Variants in CNIH4 observed in about 807,000 individuals in gnomAD.
The protein encoded by CNIH4 is protein cornichon homolog 4.
Under a neutral mutation model 21.5 loss-of-function variants are expected in CNIH4, and 9 were observed. The observed-to-expected ratio is 0.42, with a 90% CI of 0.25 to 0.73. CNIH4 has a LOEUF of 0.73. Ranked by LOEUF, CNIH4 falls within the 30% of genes least tolerant of loss-of-function variation. The probability of loss-of-function intolerance (pLI) is 0.27; values close to 1 mark genes in which losing one functional copy is unlikely to be tolerated. For missense variants in CNIH4, 159 were observed against 170.0 expected (o/e 0.94, Z 0.36); for synonymous variants, 67 against 59.1 (o/e 1.13, Z -0.61).
In CNIH4 at chr1:224,375,864, C is replaced by T; in HGVS notation, c.*42C>T. 1 of 1,611,976 alleles carries T rather than the reference C, an allele frequency of 6.2e-7. No homozygotes were observed. Among genetic ancestry groups the T allele is most frequent in the Non-Finnish European group, 8.5e-7 (1 of 1,178,814 alleles). On this transcript the variant is annotated 3_prime_UTR_variant, in exon 5 of 5. Coordinates refer to ENST00000465271, the MANE Select transcript of CNIH4 (RefSeq NM_014184.4). ...GTTGAAGTCAGCCTACACTACAGTG[C>T]ACAGTTGAGGAGCCAGAGACTTCTT...
intron 3 of CNIH4, among the ~76,000 whole-genome samples, chr1:224,368,742 G>A (rs1456226786): frequency 6.6e-6 from 1 of 151,296 alleles, no homozygotes; most frequent in Admixed American, 6.6e-5. Context: ...CTACAGCCTC[G>A]ACCTCCTGGG....
At chr1:224,374,973 C>T (rs1194636581) in intron 4 of CNIH4, among the ~76,000 whole-genome samples, 3 of 152,198 alleles carry the variant, frequency 2.0e-5, no homozygotes, top group African/African-American at 7.2e-5. Context: ...TTAGGCATTT[C>T]ATTTCAGCAG....
chr1:224,359,606 T>C (rs1050958346), intron 1 of CNIH4, among the ~76,000 whole-genome samples: 2 of 152,214 alleles, frequency 1.3e-5, no homozygotes, highest in African/African-American at 2.4e-5. Context: ...AGAGTCTCAC[T>C]GTCACCCAGG....
chr1:224,375,542 A>AT (rs1199038566), intron 4 of CNIH4, among the ~76,000 whole-genome samples: 1 of 150,212 alleles, frequency 6.7e-6, no homozygotes. Flanking sequence ...TTTTGTTTTT[A>AT]TTTTTTTAAC....
chr1:224,373,878 ATGT>A (rs1672707454), intron 4 of CNIH4, among the ~76,000 whole-genome samples: 1 of 152,132 alleles, frequency 6.6e-6, no homozygotes, highest in Admixed American at 6.6e-5. Flanking sequence ...AGGAATTAAG[ATGT>A]AATTTTGGGG....
chr1:224,362,353 C>T lies in CNIH4; in HGVS notation c.138+1790C>T, dbSNP rs567474989. On this transcript the variant is annotated intron_variant, in intron 2 of 4. Coordinates refer to ENST00000465271, the MANE Select transcript of CNIH4 (RefSeq NM_014184.4). ...CGCCTCAGCCTCCCAAAGAATTTCTCATCTATTCTATATGATTCTCATTCT... is the reference window on the plus strand; with the variant it reads ...CGCCTCAGCCTCCCAAAGAATTTCTTATCTATTCTATATGATTCTCATTCT... Among the ~76,000 whole-genome samples, 3 of 149,642 alleles carry T rather than the reference C, an allele frequency of 2.0e-5. No individual in the cohort carries two copies. In the East Asian group the frequency reaches 6.0e-4, roughly 30 times the overall value.
rs1672612254 is a variant in CNIH4 at position 224,371,138 on chromosome 1, A to C, written c.252-145A>C. ...GTGATCCACCTGCCTTGGCCTGCCA[A>C]AGTGCTGGGATTACCGGCATGAGCC... On this transcript the variant is annotated intron_variant, in intron 3 of 4. Coordinates refer to ENST00000465271, the MANE Select transcript of CNIH4 (RefSeq NM_014184.4). 3.9e-6 allele frequency: 3 copies of C among 769,526 alleles called. No individual in the cohort carries two copies. In the East Asian group the frequency reaches 8.6e-5, roughly 22 times the overall value. The allele number at this position is 769,526 out of a possible 1,614,324, so 47.7% of individuals were successfully genotyped here.
In CNIH4 at chr1:224,357,423, G is replaced by A. The variant is rs536790301; in HGVS notation, c.69+430G>A. ...TCGTCGGATATTGGGGGTCCCAAGGGCGGTCGCTTGCGACAGTCGGGTGCC... is the reference window on the plus strand; with the variant it reads ...TCGTCGGATATTGGGGGTCCCAAGGACGGTCGCTTGCGACAGTCGGGTGCC... On this transcript the variant is annotated intron_variant, in intron 1 of 4. Transcript: ENST00000465271. 7.9e-4 allele frequency: 127 copies of A among 160,512 alleles called. 1 individual carries two copies. The highest frequency in any genetic ancestry group is 3.0e-3 in the African/African-American group (124 of 41,816). The allele number at this position is 160,512 out of a possible 1,614,324, so 9.9% of individuals were successfully genotyped here.
At chr1:224,357,484 C>T (rs1310192227) in intron 1 of CNIH4, 1 of 153,732 alleles carries the variant, frequency 6.5e-6, no homozygotes, top group South Asian at 2.0e-4. Flanking sequence ...CTCCTGTTCC[C>T]CACGCAACAC....
intron 2 of CNIH4, among the ~76,000 whole-genome samples, chr1:224,363,946 A>G (rs1672374029): frequency 6.6e-6 from 1 of 152,174 alleles, no homozygotes; most frequent in South Asian, 2.1e-4. Context: ...AAATCCTCCA[A>G]GTTCCTTCAT....
At chr1:224,360,881 A>G (rs970765758) in intron 2 of CNIH4, among the ~76,000 whole-genome samples, 1 of 152,104 alleles carries the variant, frequency 6.6e-6, no homozygotes, top group African/African-American at 2.4e-5. Flanking sequence ...CCTCCCACTC[A>G]CGGAAAAAAG....
At chr1:224,358,079 ATTTT>A (rs1333818708) in intron 1 of CNIH4, among the ~76,000 whole-genome samples, 1 of 152,058 alleles carries the variant, frequency 6.6e-6, no homozygotes, top group Non-Finnish European at 1.5e-5. Context: ...GTGCAGCTTC[ATTTT>A]TCATTGTGGA....
Position 224,376,285 on chromosome 1 carries a change from A to G in CNIH4, c.*463A>G, listed in dbSNP as rs1672778830. 2.0e-6 allele frequency: 2 copies of G among 985,942 alleles called. No individual in the cohort carries two copies. The highest frequency in any genetic ancestry group is 6.1e-5 in the Admixed American group (1 of 16,294). 61.1% of individuals were successfully genotyped at this position (985,942 alleles called of 1,614,324 possible). On this transcript the variant is annotated 3_prime_UTR_variant, in exon 5 of 5. Coordinates refer to ENST00000465271, the MANE Select transcript of CNIH4 (RefSeq NM_014184.4). ...GCTTGTGTTGTGACAACTTCATTTA[A>G]TATGGTTTAAAGATTTATGAGACTG...
In CNIH4 at chr1:224,360,888, A is replaced by T. The variant is rs1672268236; in HGVS notation, c.138+325A>T. The stretch of plus-strand genomic sequence containing the variant: ...AACTCCCTCCTCCCACTCACGGAAA[A>T]AAGCTCAAGTCTGTCTTTGGTTGAA... On this transcript the variant is annotated intron_variant, in intron 2 of 4. Transcript: ENST00000465271. Among the ~76,000 whole-genome samples, 4 of 152,130 alleles carry T rather than the reference A, an allele frequency of 2.6e-5. No homozygotes were observed. The South Asian group carries it at 8.3e-4, about 32-fold the overall frequency.
At chr1:224,370,560 A>G (rs1350760937) in intron 3 of CNIH4, among the ~76,000 whole-genome samples, 1 of 152,188 alleles carries the variant, frequency 6.6e-6, no homozygotes. Context: ...AAAGTAACCT[A>G]ACTTCCTTAA....
chr1:224,365,832 A>G, intron 2 of CNIH4, 47 bp from the exon 3 acceptor site: 1 of 1,067,712 alleles, frequency 9.4e-7, no homozygotes, highest in East Asian at 2.4e-5. Flanking sequence ...ATGTACAGTC[A>G]GGAAGGACAT....
intron 2 of CNIH4, among the ~76,000 whole-genome samples, chr1:224,363,488 C>T (rs774816501): frequency 8.5e-5 from 13 of 152,068 alleles, no homozygotes; most frequent in Admixed American, 3.3e-4. Flanking sequence ...AAGATAGGGT[C>T]TTTTTCTCTC....
chr1:224,356,934 G>T lies in CNIH4; in HGVS notation c.10G>T (p.Val4Leu). ...GCGACGGAGGAGGAGGATGGAGGCG[G>T]TGGTGTTCGTCTTCTCTCTCCTCGA... MEA[V>L]VFVFSLLDCC... The change falls in exon 1 of 5, where the codon GTG becomes TTG. Residue 4 changes from valine (V) to leucine (L), a missense_variant. Coordinates refer to ENST00000465271, the MANE Select transcript of CNIH4 (RefSeq NM_014184.4). The T allele has an allele frequency of 6.2e-7, 1 of 1,610,482 alleles. No individual in the cohort carries two copies. The highest frequency in any genetic ancestry group is 8.5e-7 in the Non-Finnish European group (1 of 1,178,480).
At chr1:224,375,064 A>G (rs1456381471) in intron 4 of CNIH4, among the ~76,000 whole-genome samples, 1 of 152,196 alleles carries the variant, frequency 6.6e-6, no homozygotes, top group African/African-American at 2.4e-5. Context: ...CGTAGCATTT[A>G]TTGGGTGACT....
Sources: allele counts gnomAD v4.1 joint callset (sites outside exome capture counted in the v4.1 genomes callset), GRCh38; gene constraint gnomAD v4.1.1; transcripts MANE v1.5; gene names NCBI Gene and HGNC (gene_info 2026-07-23, HGNC 2026-07-21).